POR: variants seen among roughly 807,000 people sequenced by gnomAD.
POR encodes the protein cytochrome p450 oxidoreductase.
Under a neutral mutation model 84.0 loss-of-function variants are expected in POR, and 56 were observed. The observed-to-expected ratio is 0.67, with a 90% CI of 0.54 to 0.83. The LOEUF is 0.83. Ranked by LOEUF, POR falls within the 40% of genes least tolerant of loss-of-function variation. POR has a pLI of 0.00. For missense variants in POR, 938 were observed against 944.3 expected, an observed-to-expected ratio of 0.99 and a Z score of 0.09; for synonymous variants, 414 against 400.5, an observed-to-expected ratio of 1.03 and a Z score of -0.40.
chr7:75,940,504 G>T (rs1807926569), intron 1 of POR, among the ~76,000 whole-genome samples: 1 of 143,614 alleles, frequency 7.0e-6, no homozygotes, highest in Non-Finnish European at 1.5e-5. Context: ...CACTCTCGTG[G>T]CCGGGTGCAG....
chr7:75,972,431 G>T lies in POR; in HGVS notation c.207G>T (p.Glu69Asp). The T allele has an allele frequency of 6.2e-7, 1 of 1,610,062 alleles. No individual in the cohort carries two copies. Among genetic ancestry groups the T allele is most frequent in the Middle Eastern group, 1.7e-4 (1 of 6,058 alleles). Residue 69 changes from glutamate (E) to aspartate (D), a missense_variant, in exon 3 of 16, where the codon GAG becomes GAT. Glu to Asp is a conservative substitution (Grantham distance 45, BLOSUM62 2). Coordinates refer to ENST00000461988, the MANE Select transcript of POR (RefSeq NM_000941.3). The stretch of plus-strand genomic sequence containing the variant: ...CTTGCAGGACCTCCTCTGTCAGAGA[G>T]AGCAGCTTTGTGGAAAAGATGAAGA...
chr7:75,985,431 C>G (rs41301430), intron 12 of POR, 148 bp from the exon 13 acceptor site: 1 of 1,170,796 alleles, frequency 8.5e-7, no homozygotes, highest in Non-Finnish European at 1.2e-6. Flanking sequence ...TCCGGGAAGC[C>G]GCTGGGGAGG....
intron 9 of POR, 30 bp from the exon 10 acceptor site, chr7:75,983,708 G>GCC (rs782186218): frequency 6.2e-7 from 1 of 1,609,694 alleles, no homozygotes; most frequent in East Asian, 2.2e-5. Context: ...CCAGCCTTCC[G>GCC]CCCCTCCCGA....
rs1052278865 is a variant in POR, at chr7:75,985,749, G to C, written c.1569G>C (p.Leu523=). The C allele has an allele frequency of 6.3e-7, 1 of 1,582,618 alleles. No individual in the cohort carries two copies. Among genetic ancestry groups the C allele is most frequent in the Admixed American group, 1.8e-5 (1 of 55,412 alleles). Residue 523 remains leucine, a synonymous_variant, in exon 13 of 16, where the codon CTG becomes CTC. Coordinates refer to ENST00000461988, the MANE Select transcript of POR (RefSeq NM_000941.3). ...TCGTGCGCAAGTCCCAGTTCCGCCTGCCCTTCAAGGCCACCACGCCTGTCA... is the reference window on the plus strand; with the variant it reads ...TCGTGCGCAAGTCCCAGTTCCGCCTCCCCTTCAAGGCCACCACGCCTGTCA...
intron 8 of POR, 65 bp downstream of exon 8, chr7:75,982,387 T>G: frequency 3.0e-6 from 4 of 1,337,410 alleles, no homozygotes; most frequent in Non-Finnish European, 4.2e-6. Context: ...CCAGGCTCAG[T>G]CTGCCGTGTA....
chr7:75,942,616 A>T (rs986690578), intron 1 of POR, among the ~76,000 whole-genome samples: 3 of 151,932 alleles, frequency 2.0e-5, no homozygotes, highest in African/African-American at 7.3e-5. Flanking sequence ...TCAAGATCTG[A>T]AAAACGCTGC....
At chr7:75,933,125 T>C (rs782409319) in intron 1 of POR, among the ~76,000 whole-genome samples, 46 of 152,282 alleles carry the variant, frequency 3.0e-4, no homozygotes, top group Admixed American at 1.8e-3. Flanking sequence ...CTTAATTTTA[T>C]GTTTTAAAAT....
chr7:75,922,995 G>A (rs1401988416), intron 1 of POR: 5 of 671,768 alleles, frequency 7.4e-6, no homozygotes, highest in South Asian at 3.3e-5. Context: ...CCTTGGAATC[G>A]CCAGATAAAC....
intron 4 of POR, 22 bp downstream of exon 4, chr7:75,979,601 GC>G: frequency 6.2e-7 from 1 of 1,611,482 alleles, no homozygotes. Context: ...CCGCGTGCTG[GC>G]CCCAGATGGA....
intron 8 of POR, 34 bp from the exon 9 acceptor site, chr7:75,983,486 G>A (rs543472690): frequency 1.5e-5 from 23 of 1,499,710 alleles, no homozygotes; most frequent in Middle Eastern, 3.4e-4. Context: ...TCAAAGCCCC[G>A]GCCGCTCACT....
chr7:75,960,386 G>A lies in POR; in HGVS notation c.188+6206G>A, dbSNP rs529192114. The stretch of plus-strand genomic sequence containing the variant: ...GTTGCACCTCTGAACAGAGCATTTC[G>A]CACTGGGGCAGCTCATGCCCTAAGG... On this transcript the variant is annotated intron_variant, in intron 2 of 15. Transcript: ENST00000461988. Among the ~76,000 whole-genome samples, 41 of 152,200 alleles carry A rather than the reference G, an allele frequency of 2.7e-4. No individual in the cohort carries two copies. In the South Asian group the frequency reaches 7.3e-3, roughly 27 times the overall value.
At chr7:75,971,687 A>G (rs1436768952) in intron 2 of POR, among the ~76,000 whole-genome samples, 1 of 152,126 alleles carries the variant, frequency 6.6e-6, no homozygotes, top group African/African-American at 2.4e-5. Flanking sequence ...GTGCAGGGGA[A>G]GCAGAGGGGG....
chr7:75,985,607 C>T lies in POR; in HGVS notation c.1427C>T (p.Ala476Val), dbSNP rs782156085. 63 of 1,578,188 alleles carry T rather than the reference C, an allele frequency of 4.0e-5. No individual in the cohort carries two copies. The highest frequency in any genetic ancestry group is 3.4e-4 in the Middle Eastern group (2 of 5,900). ...CACCCCAACTCTGTGCACATCTGTG[C>T]GGTGGTTGTGGAGTACGAGACCAAG... Residue 476 changes from alanine (A) to valine (V), a missense_variant, in exon 13 of 16, where the codon GCG becomes GTG. Transcript: ENST00000461988.
At chr7:75,965,694 G>A (rs1788150233) in intron 2 of POR, among the ~76,000 whole-genome samples, 1 of 152,230 alleles carries the variant, frequency 6.6e-6, no homozygotes, top group Non-Finnish European at 1.5e-5. Context: ...CAGGGTCACT[G>A]CTGAGGTCGT....
intron 2 of POR, among the ~76,000 whole-genome samples, chr7:75,967,533 G>A (rs112914481): frequency 5.3e-5 from 8 of 152,088 alleles, no homozygotes; most frequent in African/African-American, 1.7e-4. Flanking sequence ...ATTGTGTGGC[G>A]CCCTGGCAGT....
chr7:75,944,372 C>CA (rs1460656551), intron 1 of POR, among the ~76,000 whole-genome samples: 7 of 151,994 alleles, frequency 4.6e-5, no homozygotes, highest in Non-Finnish European at 7.4e-5. Context: ...ACTAAAAATA[C>CA]AAAAAAATAA....
At chr7:75,983,476 T>A in intron 8 of POR, 44 bp from the exon 9 acceptor site, 1 of 1,426,402 alleles carries the variant, frequency 7.0e-7, no homozygotes, top group Non-Finnish European at 9.9e-7. Flanking sequence ...GAGACTCAGA[T>A]CAAAGCCCCG....
intron 3 of POR, 147 bp from the exon 4 acceptor site, chr7:75,979,304 C>T: frequency 1.1e-6 from 1 of 943,260 alleles, no homozygotes; most frequent in Non-Finnish European, 1.6e-6. Context: ...AGAAGCAAGT[C>T]CCAGAGGAAC....
intron 1 of POR, among the ~76,000 whole-genome samples, chr7:75,953,192 G>C (rs1479186054): frequency 6.6e-6 from 1 of 151,858 alleles, no homozygotes; most frequent in Non-Finnish European, 1.5e-5. Context: ...GGCGGCGCGC[G>C]CCTGCAATCG....
Sources: allele counts gnomAD v4.1 joint callset (sites outside exome capture counted in the v4.1 genomes callset), GRCh38; gene constraint gnomAD v4.1.1; transcripts MANE v1.5; gene names NCBI Gene and HGNC (gene_info 2026-07-23, HGNC 2026-07-21).